The following OR2T12 variants were observed in gnomAD, a reference collection of about 807,000 sequenced individuals.
OR2T12 encodes olfactory receptor 2T12.
For missense variants in OR2T12, 335 were observed against 404.3 expected (o/e 0.83, Z 1.47); for synonymous variants, 127 against 160.5 (o/e 0.79, Z 1.58).
In OR2T12 at chr1:248,302,482, C is replaced by T. The variant is rs538780452; in HGVS notation, c.-190+864G>A. ...GATCAGAGAGAGTTAAGCTGTGTTT[C>T]GAAAGCACTGGTAATATTTTAAAGC... On this transcript the variant is annotated intron_variant, in intron 1 of 2. Coordinates refer to ENST00000641276, the MANE Select transcript of OR2T12 (RefSeq NM_001004692.2). Among the ~76,000 whole-genome samples the T allele has an allele frequency of 7.2e-5, 11 of 152,110 alleles. No individual in the cohort carries two copies. In the South Asian group the frequency reaches 1.5e-3, roughly 20 times the overall value.
intron 2 of OR2T12, among the ~76,000 whole-genome samples, chr1:248,296,338 A>G (rs1464021220): frequency 2.0e-5 from 3 of 152,172 alleles, no homozygotes; most frequent in African/African-American, 7.2e-5. Context: ...TCTTTATAGC[A>G]CCATGATTTA....
chr1:248,299,265 A>G (rs1572832913), intron 2 of OR2T12, among the ~76,000 whole-genome samples: 1 of 152,254 alleles, frequency 6.6e-6, no homozygotes, highest in East Asian at 1.9e-4. Flanking sequence ...GTCAAGACCC[A>G]TCAGTGTGCT....
At position 248,300,723 on chromosome 1, in the gene OR2T12, A is replaced by C. The variant is rs115833047; in HGVS notation, c.-9+650T>G. On this transcript the variant is annotated intron_variant, in intron 2 of 2. Transcript: ENST00000641276. Reference sequence around the variant, plus strand: ...GTTGTAATACACAATTTATCCAAATAAAACGGTATTACCTCAGATTTCCAC... The same window carrying C: ...GTTGTAATACACAATTTATCCAAATCAAACGGTATTACCTCAGATTTCCAC... 3.4e-3 allele frequency among the ~76,000 whole-genome samples: 514 copies of C among 152,216 alleles called. 3 individuals are homozygous for C. The highest frequency in any genetic ancestry group is 0.012 in the African/African-American group (494 of 41,548).
In OR2T12 at chr1:248,295,300, A is replaced by G; in HGVS notation, c.279T>C (p.Ala93=). 1 of 1,608,070 alleles carries G rather than the reference A, an allele frequency of 6.2e-7. No homozygotes were observed. Among genetic ancestry groups the G allele is most frequent in the South Asian group, 1.1e-5 (1 of 90,742 alleles). Residue 93 remains alanine (A), a synonymous_variant, in exon 3 of 3, where the codon GCT becomes GCC. Transcript: ENST00000641276. ...YLTGNKAISR[A]GCGVQIFFLP... ...GGAAGAAGATCTGCACACCACAGCCAGCGCGGGAGATGGCCTTATTTCCGG... is the reference window on the plus strand; with the variant it reads ...GGAAGAAGATCTGCACACCACAGCCGGCGCGGGAGATGGCCTTATTTCCGG...
At chr1:248,302,787 T>C (rs1004768067) in intron 1 of OR2T12, among the ~76,000 whole-genome samples, 1 of 152,142 alleles carries the variant, frequency 6.6e-6, no homozygotes, top group Admixed American at 6.5e-5. Context: ...TTATATTCTA[T>C]GTATACCTTA....
chr1:248,296,428 A>G (rs915804834), intron 2 of OR2T12, among the ~76,000 whole-genome samples: 5 of 152,216 alleles, frequency 3.3e-5, no homozygotes, highest in Non-Finnish European at 5.9e-5. Context: ...AGGAATTGCC[A>G]CACTAACTTC....
chr1:248,300,751 T>C (rs950738369), intron 2 of OR2T12, among the ~76,000 whole-genome samples: 5 of 152,076 alleles, frequency 3.3e-5, no homozygotes. Flanking sequence ...ATTTCCACCA[T>C]AATTTGTCTT....
intron 1 of OR2T12, among the ~76,000 whole-genome samples, chr1:248,302,022 G>A (rs1408148094): frequency 1.3e-5 from 2 of 150,674 alleles, no homozygotes; most frequent in East Asian, 1.9e-4. Context: ...AGGAGACATT[G>A]AGAGGCCAGA....
chr1:248,302,132 G>A (rs1461639712), intron 1 of OR2T12, among the ~76,000 whole-genome samples: 2 of 151,430 alleles, frequency 1.3e-5, no homozygotes, highest in African/African-American at 2.4e-5. Context: ...CTAAAATGAC[G>A]TTACCCTTTT....
At chr1:248,299,929 A>G (rs1052223491) in intron 2 of OR2T12, among the ~76,000 whole-genome samples, 6 of 152,186 alleles carry the variant, frequency 3.9e-5, no homozygotes, top group Non-Finnish European at 7.3e-5. Context: ...CTGCTCCTGA[A>G]TGACTACTGG....
At chr1:248,297,423 G>C (rs1659747110) in intron 2 of OR2T12, among the ~76,000 whole-genome samples, 1 of 151,848 alleles carries the variant, frequency 6.6e-6, no homozygotes, top group East Asian at 2.0e-4. Flanking sequence ...GGATGGCATT[G>C]AATCTATAAA....
In OR2T12 at chr1:248,291,925, A is replaced by G. The variant is rs1659639809; in HGVS notation, c.*2691T>C. On this transcript the variant is annotated 3_prime_UTR_variant, in exon 3 of 3. Coordinates refer to ENST00000641276, the MANE Select transcript of OR2T12 (RefSeq NM_001004692.2). Reference sequence around the variant, plus strand: ...ACCCCTTCCTTCAACTTTATACAAAAAATCACTCAAGATGAAGACTTAAAC... The same window carrying G: ...ACCCCTTCCTTCAACTTTATACAAAGAATCACTCAAGATGAAGACTTAAAC... 6.6e-6 allele frequency: 1 copy of G among 152,182 alleles called. No homozygotes were observed. The highest frequency in any genetic ancestry group is 1.5e-5 in the Non-Finnish European group (1 of 68,030). 9.4% of individuals were successfully genotyped at this position (152,182 alleles called of 1,614,324 possible).
chr1:248,300,813 G>C (rs1659802418), intron 2 of OR2T12, among the ~76,000 whole-genome samples: 1 of 152,000 alleles, frequency 6.6e-6, no homozygotes. Flanking sequence ...ATGTGGTCAA[G>C]TTCGCTTCTC....
At chr1:248,295,900 A>T (rs1037993320) in intron 2 of OR2T12, among the ~76,000 whole-genome samples, 2 of 152,202 alleles carry the variant, frequency 1.3e-5, no homozygotes, top group African/African-American at 4.8e-5. Context: ...CATGTGCACA[A>T]TGTGCAGGTT....
In OR2T12 at chr1:248,292,005, G is replaced by A. The variant is rs1437936795; in HGVS notation, c.*2611C>T. On this transcript the variant is annotated 3_prime_UTR_variant, in exon 3 of 3. Coordinates refer to ENST00000641276, the MANE Select transcript of OR2T12 (RefSeq NM_001004692.2). ...AGAAAACCTAGGCAGTACCATTCAGGACATAGGCATGGGCAAAGACTTCAT... is the reference window on the plus strand; with the variant it reads ...AGAAAACCTAGGCAGTACCATTCAGAACATAGGCATGGGCAAAGACTTCAT... 2.0e-5 allele frequency: 3 copies of A among 152,034 alleles called. No homozygotes were observed. The highest frequency in any genetic ancestry group is 7.2e-5 in the African/African-American group (3 of 41,402). The allele number at this position is 152,034 out of a possible 1,614,324, so 9.4% of individuals were successfully genotyped here.
In OR2T12 at chr1:248,293,372, A is replaced by C. The variant is rs1241981475; in HGVS notation, c.*1244T>G. 6.6e-6 allele frequency: 1 copy of C among 152,102 alleles called. No individual in the cohort carries two copies. 9.4% of individuals were successfully genotyped at this position (152,102 alleles called of 1,614,324 possible). ...CTTAGTTATTTCCTCCTTCGTGTTA[A>C]AAACTTATATTATTTCTTAAGTGTG... On this transcript the variant is annotated 3_prime_UTR_variant, in exon 3 of 3. Transcript: ENST00000641276.
Position 248,294,830 on chromosome 1 carries a change from T to C in OR2T12, c.749A>G (p.Tyr250Cys). 1 of 1,613,164 alleles carries C rather than the reference T, an allele frequency of 6.2e-7. No individual in the cohort carries two copies. Among genetic ancestry groups the C allele is most frequent in the Non-Finnish European group, 8.5e-7 (1 of 1,179,844 alleles). ...CATATAGGTAAAAATGCCAGCTCCA[T>C]AAAAGAGTCCCACCACAGCCACATG... Reference protein sequence around the residue: ...SSHVAVVGLFYGAGIFTYMRP... With the variant: ...SSHVAVVGLFCGAGIFTYMRP... The change falls in exon 3 of 3, where the codon TAT becomes TGT. Residue 250 changes from tyrosine to cysteine, a missense_variant. Transcript: ENST00000641276.
rs1659606578 is a variant in OR2T12 at position 248,290,487 on chromosome 1, C to T, written c.*4129G>A. ...TTGATGGGCTTTTGGGTTGGATTCACATATTTACTATTGGGAATAACTGCA... is the reference window on the plus strand; with the variant it reads ...TTGATGGGCTTTTGGGTTGGATTCATATATTTACTATTGGGAATAACTGCA... On this transcript the variant is annotated 3_prime_UTR_variant, in exon 3 of 3. Transcript: ENST00000641276. 1 of 152,116 alleles carries T rather than the reference C, an allele frequency of 6.6e-6. No homozygotes were observed. The highest frequency in any genetic ancestry group is 2.4e-5 in the African/African-American group (1 of 41,422). The allele number at this position is 152,116 out of a possible 1,614,324, so 9.4% of individuals were successfully genotyped here.
chr1:248,295,317 T>C lies in OR2T12; in HGVS notation c.262A>G (p.Lys88Glu). The change falls in exon 3 of 3, where the codon AAG (lysine) becomes GAG (glutamate). Residue 88 changes from lysine to glutamate, a missense_variant. Coordinates refer to ENST00000641276, the MANE Select transcript of OR2T12 (RefSeq NM_001004692.2). ...CCACAGCCAGCGCGGGAGATGGCCT[T>C]ATTTCCGGTCAAGTAGTCAGCCGCC... ...KMAADYLTGN[K>E]AISRAGCGVQ... is the part of the protein sequence containing the mutation. 1 of 1,609,298 alleles carries C rather than the reference T, an allele frequency of 6.2e-7. No individual in the cohort carries two copies. The highest frequency in any genetic ancestry group is 1.7e-5 in the Admixed American group (1 of 59,696).
Sources: allele counts gnomAD v4.1 joint callset (sites outside exome capture counted in the v4.1 genomes callset), GRCh38; gene constraint gnomAD v4.1.1; transcripts MANE v1.5; gene names NCBI Gene and HGNC (gene_info 2026-07-23, HGNC 2026-07-21).